Variants in DNAH8 observed in about 807,000 individuals in gnomAD.
DNAH8 encodes axonemal beta dynein heavy chain 8.
Under a neutral mutation model 562.1 loss-of-function variants are expected in DNAH8, and 382 were observed. The observed-to-expected ratio is 0.68, with a 90% CI of 0.63 to 0.74. The LOEUF (loss-of-function observed/expected upper bound fraction) is 0.74. Among genes scored for constraint, DNAH8 ranks in the 30% least tolerant of loss-of-function variants. The pLI, the probability that DNAH8 is intolerant of heterozygous loss-of-function variation, is 0.00. For missense variants in DNAH8, 5,203 were observed against 5,620.4 expected, an observed-to-expected ratio of 0.93 and a Z score of 2.37; for synonymous variants, 1,881 against 1,919.4, an observed-to-expected ratio of 0.98 and a Z score of 0.52.
intron 10 of DNAH8, among the ~76,000 whole-genome samples, chr6:38,760,507 A>G (rs1313790852): frequency 6.6e-6 from 1 of 151,722 alleles, no homozygotes; most frequent in African/African-American, 2.4e-5. Flanking sequence ...GAGTTGTCTC[A>G]ATCCAAAGAC....
At chr6:38,815,726 A>G in intron 26 of DNAH8, 69 bp downstream of exon 26, 1 of 1,318,862 alleles carries the variant, frequency 7.6e-7, no homozygotes, top group Non-Finnish European at 1.0e-6. Flanking sequence ...AGATTTTTAA[A>G]TTATTTTATA....
At chr6:38,799,441 G>A (rs544001729) in intron 21 of DNAH8, among the ~76,000 whole-genome samples, 5 of 152,028 alleles carry the variant, frequency 3.3e-5, no homozygotes, top group South Asian at 2.1e-4. Context: ...TTTCCTTGCC[G>A]ACAGACACTT....
intron 85 of DNAH8, among the ~76,000 whole-genome samples, chr6:38,979,282 C>T (rs1763884119): frequency 6.6e-6 from 1 of 152,212 alleles, no homozygotes; most frequent in South Asian, 2.1e-4. Flanking sequence ...TTTTTCTTGT[C>T]TCCAAGTCTT....
At chr6:38,991,026 C>G (rs1237320855) in intron 88 of DNAH8, among the ~76,000 whole-genome samples, 1 of 152,234 alleles carries the variant, frequency 6.6e-6, no homozygotes, top group Non-Finnish European at 1.5e-5. Flanking sequence ...ATTCCTCTCT[C>G]CTAGTCCCTG....
intron 8 of DNAH8, among the ~76,000 whole-genome samples, chr6:38,743,007 C>CTT (rs11340457): frequency 1.2e-4 from 6 of 52,004 alleles, no homozygotes; most frequent in African/African-American, 2.2e-4. Flanking sequence ...TGTTGTTGTG[C>CTT]TTTTTTTTTT....
At chr6:38,862,252 C>A (rs1369693477) in intron 43 of DNAH8, 28 bp from the exon 44 acceptor site, 1 of 1,598,156 alleles carries the variant, frequency 6.3e-7, no homozygotes, top group Non-Finnish European at 8.5e-7. Context: ...CCCATACTCA[C>A]AATGCTTTAT....
chr6:38,781,768 A>G (rs1029418688), intron 16 of DNAH8, among the ~76,000 whole-genome samples: 5 of 152,186 alleles, frequency 3.3e-5, no homozygotes, highest in Admixed American at 3.3e-4. Context: ...ATAAAGCCAA[A>G]GAGTGTATTC....
chr6:38,807,539 G>C (rs1012060267), intron 23 of DNAH8, 71 bp from the exon 24 acceptor site: 3 of 673,494 alleles, frequency 4.5e-6, no homozygotes, highest in Non-Finnish European at 7.1e-6. Context: ...CTAATATTCT[G>C]TCATTGTTTT....
At chr6:39,004,403 T>C (rs1457723312) in intron 88 of DNAH8, among the ~76,000 whole-genome samples, 1 of 152,196 alleles carries the variant, frequency 6.6e-6, no homozygotes, top group African/African-American at 2.4e-5. Flanking sequence ...GGCCCATTCT[T>C]TTCTATACTT....
Position 38,723,280 on chromosome 6 carries a change from C to T in DNAH8, c.391-57C>T, listed in dbSNP as rs533208868. ...TACTTTTACTTTACAAAGTATGAAA[C>T]AGTTTGATATTTTTTCTTCAGAATT... is the stretch of plus-strand genomic sequence containing the variant. On this transcript the variant is annotated intron_variant, in intron 2 of 92. Coordinates refer to ENST00000327475, the MANE Select transcript of DNAH8 (RefSeq NM_001206927.2). 4.9e-5 allele frequency: 77 copies of T among 1,576,644 alleles called. No homozygotes were observed. In the African/African-American group the frequency reaches 9.4e-4, roughly 19 times the overall value.
intron 82 of DNAH8, among the ~76,000 whole-genome samples, chr6:38,951,726 C>T (rs77630844): frequency 0.011 from 1,637 of 152,090 alleles, 39 homozygotes; most frequent in African/African-American, 0.037. Flanking sequence ...ACATGCTCAT[C>T]TAGCATATAG....
chr6:38,727,046 C>CG (rs1236168067), intron 3 of DNAH8, among the ~76,000 whole-genome samples: 1 of 151,588 alleles, frequency 6.6e-6, no homozygotes, highest in Non-Finnish European at 1.5e-5. Context: ...TTAGTAGAGA[C>CG]GGGGTTTCAC....
Position 38,822,973 on chromosome 6 carries a change from C to T in DNAH8, c.3659C>T (p.Ala1220Val). 1 of 1,612,450 alleles carries T rather than the reference C, an allele frequency of 6.2e-7. No homozygotes were observed. The highest frequency in any genetic ancestry group is 8.5e-7 in the Non-Finnish European group (1 of 1,179,440). The part of the protein sequence containing the change: ...VNSLRKAAHE[A>V]LQDFQKYKTL... ...TCCCTAAGAAAGGCAGCTCATGAGGCCCTGCAGGACTTTCAGAAGTACAAG... is the reference window on the plus strand; with the variant it reads ...TCCCTAAGAAAGGCAGCTCATGAGGTCCTGCAGGACTTTCAGAAGTACAAG... Residue 1220 changes from alanine to valine, a missense_variant, in exon 27 of 93, where the codon GCC becomes GTC. By Grantham distance (64) the Ala-to-Val change is moderately conservative (BLOSUM62 0). Coordinates refer to ENST00000327475, the MANE Select transcript of DNAH8 (RefSeq NM_001206927.2).
In DNAH8 at chr6:38,775,808, A is replaced by G. The variant is rs762338880; in HGVS notation, c.1819A>G (p.Ile607Val). ...QTYSTLSNSTIEGIDIMAIKF... is the reference protein window; with the variant it reads ...QTYSTLSNSTVEGIDIMAIKF... ...ATATTCAACCTTGAGTAATTCTACC[A>G]TAGAAGGAATAGATATTATGGCAAT... The change falls in exon 13 of 93, where the codon ATA becomes GTA. Residue 607 changes from isoleucine (I) to valine (V), a missense_variant. Physicochemically the swap from Ile to Val is conservative, Grantham distance 29. Around this residue, in one of 6 missense-constraint regions of DNAH8, gnomAD observed 2,176 missense variants for 2,365.1 expected, o/e 0.92. Coordinates refer to ENST00000327475, the MANE Select transcript of DNAH8 (RefSeq NM_001206927.2). 12 of 1,595,648 alleles carry G rather than the reference A, an allele frequency of 7.5e-6. No individual in the cohort carries two copies. In the South Asian group the frequency reaches 7.7e-5, roughly 10 times the overall value.
intron 60 of DNAH8, among the ~76,000 whole-genome samples, chr6:38,897,303 T>C (rs1191730558): frequency 2.0e-5 from 3 of 152,224 alleles, no homozygotes; most frequent in African/African-American, 7.2e-5. Context: ...GGTTTAAATA[T>C]TGGCCATAGC....
At chr6:38,885,354 T>A (rs1447391566) in intron 56 of DNAH8, among the ~76,000 whole-genome samples, 2 of 152,108 alleles carry the variant, frequency 1.3e-5, no homozygotes, top group Non-Finnish European at 1.5e-5. Context: ...TGACCACTAC[T>A]CATCACCTCC....
chr6:38,946,806 T>C (rs1269954101), intron 80 of DNAH8, among the ~76,000 whole-genome samples: 2 of 146,120 alleles, frequency 1.4e-5, no homozygotes, highest in African/African-American at 5.1e-5. Flanking sequence ...TGAGACTCTG[T>C]CTTGGGGGAA....
intron 74 of DNAH8, among the ~76,000 whole-genome samples, chr6:38,927,595 G>C (rs1782220196): frequency 6.6e-6 from 1 of 152,144 alleles, no homozygotes; most frequent in African/African-American, 2.4e-5. Flanking sequence ...CTTAGTTTCT[G>C]CAGCCAGGTC....
chr6:38,923,880 A>C (rs1414815124), intron 72 of DNAH8, 111 bp from the exon 73 acceptor site: 2 of 1,223,632 alleles, frequency 1.6e-6, no homozygotes, highest in Middle Eastern at 2.5e-4. Context: ...CCAAGCATTA[A>C]GCAGGGGCAA....
Sources: gnomAD v4.1 joint callset for allele counts (sites outside exome capture counted in the v4.1 genomes callset) on GRCh38, gnomAD v4.1.1 for gene constraint, gnomAD v4.1.1 regional missense constraint, MANE v1.5 for transcripts, NCBI Gene and HGNC (gene_info 2026-07-23, HGNC 2026-07-21) for gene names.